CFAP221: variants seen among roughly 807,000 people sequenced by gnomAD.
CFAP221 encodes cilia and flagella associated protein 221.
Under a neutral mutation model 113.1 loss-of-function variants are expected in CFAP221, and 97 were observed. That is an observed-to-expected ratio of 0.86 (90% CI 0.73 to 1.02). The LOEUF (loss-of-function observed/expected upper bound fraction) is 1.02. Ranked by LOEUF, CFAP221 falls within the 50% of genes least tolerant of loss-of-function variation. The pLI is 0.00. For missense variants in CFAP221, 1,025 were observed against 1,013.4 expected, an observed-to-expected ratio of 1.01 and a Z score of -0.16; for synonymous variants, 331 against 354.4, an observed-to-expected ratio of 0.93 and a Z score of 0.74.
chr2:119,553,375 C>T (rs1295039585), intron 3 of CFAP221, among the ~76,000 whole-genome samples: 1 of 152,062 alleles, frequency 6.6e-6, no homozygotes, highest in Non-Finnish European at 1.5e-5. Flanking sequence ...GAAGGTGAGA[C>T]ATGTGGGTTG....
intron 21 of CFAP221, among the ~76,000 whole-genome samples, chr2:119,643,136 G>A (rs1687597861): frequency 6.6e-6 from 1 of 152,160 alleles, no homozygotes; most frequent in South Asian, 2.1e-4. Flanking sequence ...ACAAAATTCA[G>A]TCCATAGCAA....
chr2:119,630,028 C>CAGTGTTTTA (rs1686656317), intron 17 of CFAP221, 73 bp downstream of exon 17: 1 of 1,341,684 alleles, frequency 7.5e-7, no homozygotes, highest in South Asian at 1.2e-5. Flanking sequence ...ATTTGAATTG[C>CAGTGTTTTA]AGTGTTTTAT....
At chr2:119,554,904 C>G (rs1264053477) in intron 3 of CFAP221, among the ~76,000 whole-genome samples, 1 of 152,188 alleles carries the variant, frequency 6.6e-6, no homozygotes, top group Admixed American at 6.5e-5. Context: ...TGTCACTGAA[C>G]TTGCAGGCCA....
At chr2:119,615,345 G>A (rs1685451458) in intron 13 of CFAP221, among the ~76,000 whole-genome samples, 1 of 152,158 alleles carries the variant, frequency 6.6e-6, no homozygotes, top group African/African-American at 2.4e-5. Flanking sequence ...CTTCCTCAAA[G>A]TCACATGTGT....
chr2:119,589,462 A>AGAT (rs1683445006), intron 7 of CFAP221: 1 of 152,238 alleles, frequency 6.6e-6, no homozygotes, highest in Non-Finnish European at 1.5e-5. Context: ...AACTGGGTTC[A>AGAT]GATAGACTAA....
Position 119,560,011 on chromosome 2 carries a change from C to T in CFAP221, c.411C>T (p.Ile137=), listed in dbSNP as rs1346116224. 2.0e-6 allele frequency: 3 copies of T among 1,528,920 alleles called. No homozygotes were observed. Among genetic ancestry groups the T allele is most frequent in the Non-Finnish European group, 2.6e-6 (3 of 1,141,172 alleles). 94.7% of individuals were successfully genotyped at this position (1,528,920 alleles called of 1,614,324 possible). The change falls in exon 5 of 24, where the codon ATC becomes ATT. Residue 137 remains isoleucine (I), a synonymous_variant. Transcript: ENST00000413369. ...AGTGGCGATACTATTATGACTGCAT[C>T]CGTGTTCACTGTAAGGTAGGTCTCT... ...PDEWRYYYDC[I]RVHCKGDDTL... is the part of the protein sequence containing the mutation.
chr2:119,554,619 T>C (rs934373106), intron 3 of CFAP221, among the ~76,000 whole-genome samples: 1 of 152,214 alleles, frequency 6.6e-6, no homozygotes, highest in Non-Finnish European at 1.5e-5. Flanking sequence ...TTAGAGACCC[T>C]GAAGATCTTG....
chr2:119,656,198 A>G (rs1688423016), intron 23 of CFAP221, 164 bp from the exon 24 acceptor site: 2 of 594,718 alleles, frequency 3.4e-6, no homozygotes, highest in Admixed American at 2.8e-5. Context: ...TCATAAGCTG[A>G]GTGTTTTCAC....
At chr2:119,594,806 A>G (rs1683848650) in intron 7 of CFAP221, among the ~76,000 whole-genome samples, 8 of 152,208 alleles carry the variant, frequency 5.3e-5, no homozygotes, top group South Asian at 4.1e-4. Context: ...AGCAACTCTT[A>G]TGAAGTAGAT....
At chr2:119,546,313 C>T in intron 2 of CFAP221, 43 bp downstream of exon 2, 1 of 1,516,912 alleles carries the variant, frequency 6.6e-7, no homozygotes, top group Non-Finnish European at 8.8e-7. Context: ...CTCACATCTT[C>T]CCAGGCGAGC....
chr2:119,596,930 A>G (rs1684022400), intron 7 of CFAP221, among the ~76,000 whole-genome samples: 2 of 152,280 alleles, frequency 1.3e-5, no homozygotes, highest in South Asian at 4.1e-4. Context: ...ACTTTTGTGG[A>G]GCAAAAGGAA....
At chr2:119,565,947 A>G (rs1159165916) in intron 6 of CFAP221, among the ~76,000 whole-genome samples, 1 of 152,228 alleles carries the variant, frequency 6.6e-6, no homozygotes, top group Non-Finnish European at 1.5e-5. Flanking sequence ...GTCGGTTAAC[A>G]AACCTTTATT....
chr2:119,602,539 A>G (rs901058802), intron 8 of CFAP221: 5 of 857,928 alleles, frequency 5.8e-6, no homozygotes, highest in Non-Finnish European at 7.0e-6. Flanking sequence ...GTGGAGTAGC[A>G]ACCTTATATC....
chr2:119,575,824 G>A (rs1399082479), intron 6 of CFAP221, among the ~76,000 whole-genome samples: 2 of 152,170 alleles, frequency 1.3e-5, no homozygotes, highest in Non-Finnish European at 2.9e-5. Flanking sequence ...GATCTCTGCA[G>A]ATGACAGATA....
At chr2:119,636,410 A>G (rs1234685040) in intron 19 of CFAP221, among the ~76,000 whole-genome samples, 1 of 152,246 alleles carries the variant, frequency 6.6e-6, no homozygotes, top group Non-Finnish European at 1.5e-5. Context: ...ACTCAACTAA[A>G]GATGATGTAC....
At chr2:119,581,924 A>G (rs1468432318) in intron 6 of CFAP221, among the ~76,000 whole-genome samples, 1 of 151,782 alleles carries the variant, frequency 6.6e-6, no homozygotes, top group Non-Finnish European at 1.5e-5. Context: ...AATAAATAAG[A>G]AAAAAAAGAG....
intron 7 of CFAP221, among the ~76,000 whole-genome samples, chr2:119,598,343 T>A (rs1182189879): frequency 1.3e-5 from 2 of 152,260 alleles, no homozygotes; most frequent in Non-Finnish European, 2.9e-5. Flanking sequence ...GAAGACACAG[T>A]GGTATTTCCT....
At chr2:119,575,674 A>G (rs1215760459) in intron 6 of CFAP221, among the ~76,000 whole-genome samples, 1 of 152,156 alleles carries the variant, frequency 6.6e-6, no homozygotes, top group African/African-American at 2.4e-5. Flanking sequence ...CAGTGGTAAT[A>G]GTTTCACAAT....
Position 119,587,223 on chromosome 2 carries a change from G to T in CFAP221, c.631+1G>T. ...GCCTTTGCTATTGAGCCAACATCAG[G>T]TAAGGAGTGTCAAGATTTCAAGTTC... is the stretch of plus-strand genomic sequence containing the variant. On this transcript the variant is annotated splice_donor_variant, in intron 7 of 23. Transcript: ENST00000413369. LOFTEE classifies it high-confidence loss of function. 1 of 1,493,050 alleles carries T rather than the reference G, an allele frequency of 6.7e-7. No individual in the cohort carries two copies. The allele number at this position is 1,493,050 out of a possible 1,614,324, so 92.5% of individuals were successfully genotyped here. A position where few individuals can be genotyped will look rare whatever the true frequency, so the allele number is the denominator to read the frequency against.
Sources: gnomAD v4.1 joint callset for allele counts (sites outside exome capture counted in the v4.1 genomes callset) on GRCh38, gnomAD v4.1.1 for gene constraint, MANE v1.5 for transcripts, NCBI Gene and HGNC (gene_info 2026-07-23, HGNC 2026-07-21) for gene names.